Variants in TEX36 observed in about 807,000 individuals in gnomAD.
The protein encoded by TEX36 is testis-expressed protein 36.
Under a neutral mutation model 13.6 loss-of-function variants are expected in TEX36, and 12 were observed. That is an observed-to-expected ratio of 0.88 (90% CI 0.56 to 1.43). The LOEUF (loss-of-function observed/expected upper bound fraction) is 1.43. TEX36 is among the 40% of genes most tolerant of loss of function. TEX36 has a pLI of 0.00. For missense variants in TEX36, 224 were observed against 228.3 expected (o/e 0.98, Z 0.12); for synonymous variants, 93 against 83.0 (o/e 1.12, Z -0.65).
intron 1 of TEX36, among the ~76,000 whole-genome samples, chr10:125,680,711 A>G (rs928313069): frequency 2.0e-5 from 3 of 152,178 alleles, no homozygotes; most frequent in African/African-American, 7.2e-5. Flanking sequence ...CTCGTCTACA[A>G]GTTACTTTGG....
intron 1 of TEX36, among the ~76,000 whole-genome samples, chr10:125,674,198 T>C (rs11528575): frequency 0.12 from 17,765 of 152,174 alleles, 1,386 homozygotes; most frequent in East Asian, 0.25. Flanking sequence ...TCTTTCCTCT[T>C]CTTGGTCTAT....
chr10:125,579,716 C>A (rs1336732031), intron 3 of TEX36, among the ~76,000 whole-genome samples: 1 of 151,980 alleles, frequency 6.6e-6, no homozygotes, highest in Non-Finnish European at 1.5e-5. Context: ...TCTCGTGAGA[C>A]CTGGTTGTTT....
intron 1 of TEX36, among the ~76,000 whole-genome samples, chr10:125,670,446 T>G (rs1025411531): frequency 6.6e-6 from 1 of 152,074 alleles, no homozygotes; most frequent in African/African-American, 2.4e-5. Context: ...GGGGTTTTTT[T>G]CTTGTAAATT....
At chr10:125,623,456 A>G (rs1437051394) in intron 3 of TEX36, among the ~76,000 whole-genome samples, 1 of 152,142 alleles carries the variant, frequency 6.6e-6, no homozygotes, top group African/African-American at 2.4e-5. Flanking sequence ...GTTCATAACC[A>G]TCACATTTAG....
chr10:125,678,453 T>G (rs1338829593), intron 1 of TEX36, among the ~76,000 whole-genome samples: 1 of 151,914 alleles, frequency 6.6e-6, no homozygotes, highest in Non-Finnish European at 1.5e-5. Context: ...CTCAGAGTAG[T>G]ATAAGCTGGC....
intron 3 of TEX36, among the ~76,000 whole-genome samples, chr10:125,587,291 C>T (rs1845965855): frequency 6.6e-6 from 1 of 152,146 alleles, no homozygotes. Context: ...GAGTTCGGGG[C>T]CAGCCTGGGC....
intron 1 of TEX36, among the ~76,000 whole-genome samples, chr10:125,671,719 T>C (rs1039164446): frequency 1.3e-5 from 2 of 152,180 alleles, no homozygotes; most frequent in East Asian, 1.9e-4. Flanking sequence ...CCAGCTCTTT[T>C]TTGTACCTCT....
intron 1 of TEX36, among the ~76,000 whole-genome samples, chr10:125,682,595 T>G (rs1392073278): frequency 2.0e-5 from 3 of 152,210 alleles, no homozygotes; most frequent in Non-Finnish European, 4.4e-5. Context: ...GGAGCTTATA[T>G]TCTAGCAAGG....
chr10:125,651,391 A>G (rs570900948), downstream of TEX36, among the ~76,000 whole-genome samples: 51 of 152,356 alleles, frequency 3.3e-4, no homozygotes, highest in African/African-American at 1.2e-3. Flanking sequence ...ACCAAAGACA[A>G]AAACCACATG....
At chr10:125,643,248 G>A (rs1212983615) in intron 3 of TEX36, among the ~76,000 whole-genome samples, 1 of 152,186 alleles carries the variant, frequency 6.6e-6, no homozygotes, top group African/African-American at 2.4e-5. Flanking sequence ...GGAGCTAGTG[G>A]ACACACCTGG....
chr10:125,640,093 A>G, intron 3 of TEX36: 2 of 925,866 alleles, frequency 2.2e-6, no homozygotes, highest in Non-Finnish European at 2.6e-6. Flanking sequence ...GAACGTGGAT[A>G]ATGAGCAAAG....
intron 3 of TEX36, among the ~76,000 whole-genome samples, chr10:125,607,198 T>C (rs575936804): frequency 1.3e-5 from 2 of 152,354 alleles, no homozygotes; most frequent in African/African-American, 4.8e-5. Flanking sequence ...AGTTCCATAA[T>C]GGGAAATATT....
intron 3 of TEX36, among the ~76,000 whole-genome samples, chr10:125,612,290 G>A (rs1160910939): frequency 2.2e-5 from 3 of 138,906 alleles, no homozygotes; most frequent in Non-Finnish European, 3.2e-5. Flanking sequence ...CACCGTATTG[G>A]TCAGGCTGGT....
chr10:125,588,618 TTTGTTTGTTTGTTTGA>T (rs1845986701), intron 3 of TEX36, among the ~76,000 whole-genome samples: 1 of 151,842 alleles, frequency 6.6e-6, no homozygotes, highest in South Asian at 2.1e-4. Flanking sequence ...TGTTTGTTTG[TTTGTTTGTTTGTTTGA>T]GATGGAATCT....
chr10:125,661,146 G>T, intron 2 of TEX36, 45 bp from the exon 3 acceptor site: 1 of 1,464,944 alleles, frequency 6.8e-7, no homozygotes. Flanking sequence ...TTAGAACCCT[G>T]CATGCTTTCA....
At chr10:125,614,775 G>A (rs1239589261) in intron 3 of TEX36, among the ~76,000 whole-genome samples, 1 of 152,188 alleles carries the variant, frequency 6.6e-6, no homozygotes, top group South Asian at 2.1e-4. Flanking sequence ...GCTCTTTTTT[G>A]GTTCCATATG....
At chr10:125,630,085 A>G (rs1423390495) in intron 3 of TEX36, among the ~76,000 whole-genome samples, 26 of 152,220 alleles carry the variant, frequency 1.7e-4, no homozygotes, top group Admixed American at 1.7e-3. Context: ...ATTCTTTACA[A>G]CAAGTGTTTT....
chr10:125,632,066 G>A (rs1269931568), intron 3 of TEX36, among the ~76,000 whole-genome samples: 3 of 152,126 alleles, frequency 2.0e-5, no homozygotes, highest in Non-Finnish European at 4.4e-5. Flanking sequence ...TGGGAAGAAG[G>A]AAATGACGAA....
downstream of TEX36, among the ~76,000 whole-genome samples, chr10:125,653,665 A>C (rs887510473): frequency 1.3e-5 from 2 of 152,188 alleles, no homozygotes; most frequent in East Asian, 3.9e-4. Context: ...TAAAAAAAGA[A>C]ATATATTTGA....
Sources: allele counts gnomAD v4.1 joint callset (sites outside exome capture counted in the v4.1 genomes callset), GRCh38; gene constraint gnomAD v4.1.1; transcripts MANE v1.5; gene names NCBI Gene and HGNC (gene_info 2026-07-23, HGNC 2026-07-21).